Variants in C13orf46 observed in about 807,000 individuals in gnomAD.
C13orf46 encodes chromosome 13 open reading frame 46.
the C13orf46 span, among the ~76,000 whole-genome samples, chr13:113,946,407 G>A: frequency 1.3e-5 from 2 of 152,216 alleles, no homozygotes; most frequent in East Asian, 1.9e-4. Context: ...ACTGAAGGGC[G>A]TCCTGCAGGC....
At chr13:113,952,385 C>T (rs987153608), downstream of C13orf46, among the ~76,000 whole-genome samples, 3 of 151,254 alleles carry the variant, frequency 2.0e-5, no homozygotes, top group East Asian at 5.8e-4. Context: ...GCTGCCGCTC[C>T]CGCCTGCCCA....
At chr13:113,967,217 T>C (rs36182453) in intron 5 of C13orf46, 124 bp downstream of exon 5, 106,587 of 152,174 alleles carry the variant, frequency 0.7, 38,199 homozygotes, top group African/African-American at 0.86. Flanking sequence ...TCTGCCTCCC[T>C]ATCCAACACA....
At chr13:113,960,049 G>A (rs1021169954) in intron 6 of C13orf46, among the ~76,000 whole-genome samples, 1 of 152,052 alleles carries the variant, frequency 6.6e-6, no homozygotes, top group African/African-American at 2.4e-5. Flanking sequence ...TCAGGAGATC[G>A]AGACCATCCT....
At chr13:113,945,577 G>GAAAGAAAGAAAGAAAGAAAGAAAGAA in the C13orf46 span, among the ~76,000 whole-genome samples, 1 of 127,350 alleles carries the variant, frequency 7.9e-6, no homozygotes, top group African/African-American at 3.0e-5. Context: ...AAGAAAGAAA[G>GAAAGAAAGAAAGAAAGAAAGAAAGAA]AGAGAGAGAG....
the C13orf46 span, among the ~76,000 whole-genome samples, chr13:113,936,548 G>T: frequency 2.0e-5 from 3 of 152,206 alleles, no homozygotes; most frequent in Non-Finnish European, 4.4e-5. Flanking sequence ...CTGGCCAGTG[G>T]CGAGAGCTGC....
chr13:113,965,485 A>G (rs1439917738), intron 5 of C13orf46, among the ~76,000 whole-genome samples: 1 of 152,188 alleles, frequency 6.6e-6, no homozygotes, highest in East Asian at 1.9e-4. Flanking sequence ...AAGTGCCCAG[A>G]CAGGTCATTA....
At chr13:113,950,807 G>A, downstream of C13orf46, among the ~76,000 whole-genome samples, 1 of 152,314 alleles carries the variant, frequency 6.6e-6, no homozygotes, top group African/African-American at 2.4e-5. Flanking sequence ...CCCGCTCCAG[G>A]GCACGGGAGT....
At chr13:113,945,482 T>C in the C13orf46 span, among the ~76,000 whole-genome samples, 2 of 150,098 alleles carry the variant, frequency 1.3e-5, no homozygotes, top group Non-Finnish European at 3.0e-5. Context: ...GAGGCAGAGA[T>C]TGCAGTGAGC....
chr13:113,947,448 C>T, the C13orf46 span, among the ~76,000 whole-genome samples: 1 of 152,132 alleles, frequency 6.6e-6, no homozygotes, highest in African/African-American at 2.4e-5. Flanking sequence ...ATTCTGCCCA[C>T]GTGGCCTCCA....
chr13:113,960,924 A>G (rs2052581711), intron 6 of C13orf46, among the ~76,000 whole-genome samples: 1 of 152,238 alleles, frequency 6.6e-6, no homozygotes, highest in Non-Finnish European at 1.5e-5. Flanking sequence ...TATTTTATCA[A>G]GATAATTTCT....
chr13:113,932,582 CATT>C, the C13orf46 span, among the ~76,000 whole-genome samples: 2 of 152,208 alleles, frequency 1.3e-5, no homozygotes, highest in African/African-American at 4.8e-5. Context: ...TGTTTTGTCT[CATT>C]ATTGTGTTGA....
chr13:113,973,097 G>C (rs181931589), intron 1 of C13orf46, among the ~76,000 whole-genome samples: 2 of 152,342 alleles, frequency 1.3e-5, no homozygotes, highest in Admixed American at 1.3e-4. Flanking sequence ...GAATCACTGA[G>C]CTAAGGGGAG....
the C13orf46 span, among the ~76,000 whole-genome samples, chr13:113,939,461 G>C: frequency 6.6e-6 from 1 of 152,014 alleles, no homozygotes; most frequent in Non-Finnish European, 1.5e-5. Context: ...GGGAAGATGG[G>C]GGCCACCTGG....
intron 5 of C13orf46, among the ~76,000 whole-genome samples, chr13:113,966,335 GGTGAT>G (rs2052647344): frequency 6.6e-6 from 1 of 150,770 alleles, no homozygotes; most frequent in Non-Finnish European, 1.5e-5. Flanking sequence ...GAATGATGGT[GGTGAT>G]GTGATAATGA....
intron 6 of C13orf46, among the ~76,000 whole-genome samples, chr13:113,960,425 C>T (rs1216800424): frequency 4.6e-5 from 7 of 152,184 alleles, no homozygotes; most frequent in Non-Finnish European, 1.0e-4. Context: ...CTCAGGTCTA[C>T]ATCTCAGAAA....
chr13:113,935,452 C>T, the C13orf46 span, among the ~76,000 whole-genome samples: 5 of 152,242 alleles, frequency 3.3e-5, no homozygotes, highest in Admixed American at 2.6e-4. Context: ...AAACAGAGCC[C>T]GGGGTAGCTG....
chr13:113,930,992 G>A, the C13orf46 span, among the ~76,000 whole-genome samples: 2 of 152,236 alleles, frequency 1.3e-5, no homozygotes, highest in East Asian at 1.9e-4. Flanking sequence ...AGAGGGAGCC[G>A]GCTGGGGTGA....
At chr13:113,945,128 C>T in the C13orf46 span, among the ~76,000 whole-genome samples, 1 of 152,188 alleles carries the variant, frequency 6.6e-6, no homozygotes, top group Non-Finnish European at 1.5e-5. Context: ...GAAGGACCCT[C>T]CAGGTGTGTG....
chr13:113,970,747 C>A (rs149925441), intron 1 of C13orf46, among the ~76,000 whole-genome samples: 1 of 152,164 alleles, frequency 6.6e-6, no homozygotes, highest in Non-Finnish European at 1.5e-5. Flanking sequence ...AGAGGCATTG[C>A]GGGATGTTTC....
Sources: allele counts gnomAD v4.1 joint callset (sites outside exome capture counted in the v4.1 genomes callset), GRCh38; gene constraint gnomAD v4.1.1; transcripts MANE v1.5; gene names NCBI Gene and HGNC (gene_info 2026-07-23, HGNC 2026-07-21).